Variants in RNF213 observed in about 807,000 individuals in gnomAD.
The protein encoded by RNF213 is ring finger protein 213.
RNF213 carries 341 observed loss-of-function variants against 514.4 expected under a neutral mutation model. The observed-to-expected ratio is 0.66, with a 90% confidence interval of 0.61 to 0.73. The LOEUF is 0.73. Ranked by LOEUF, RNF213 falls within the 30% of genes least tolerant of loss-of-function variation. The probability of loss-of-function intolerance (pLI) is 0.00; values close to 1 mark genes in which losing one functional copy is unlikely to be tolerated. For missense variants in RNF213, 5,767 were observed against 6,615.6 expected (o/e 0.87, Z 4.45); for synonymous variants, 2,655 against 2,658.2 (o/e 1.00, Z 0.04).
intron 32 of RNF213, 178 bp downstream of exon 32, chr17:80,351,981 A>C: frequency 4.1e-6 from 2 of 484,598 alleles, no homozygotes; most frequent in Non-Finnish European, 7.6e-6. Flanking sequence ...CAGCCTCCCA[A>C]GTAGCTGGCA....
chr17:80,319,371 C>G (rs375458667), intron 17 of RNF213, 59 bp downstream of exon 17: 26 of 1,614,118 alleles, frequency 1.6e-5, no homozygotes, highest in Non-Finnish European at 2.2e-5. Flanking sequence ...TCTGCCATGA[C>G]CCAGCTAAGG....
chr17:80,340,609 G>GTTT lies in RNF213; in HGVS notation c.5989+280_5989+282dup, dbSNP rs747785477. ...AAACATCTCTGCAGTGTACTTTGTGGTTTTTTTTTTTTTTTTTTTTTTTTT... is the reference window on the plus strand; with the variant it reads ...AAACATCTCTGCAGTGTACTTTGTGGTTTTTTTTTTTTTTTTTTTTTTTTTTTT... On this transcript the variant is annotated intron_variant, in intron 26 of 67. Transcript: ENST00000582970. The GTTT allele has an allele frequency of 9.8e-3, 1,272 of 129,802 alleles. 32 individuals carry two copies. Among genetic ancestry groups the GTTT allele is most frequent in the Admixed American group, 0.035 (261 of 7,540 alleles). The allele number at this position is 129,802 out of a possible 1,614,324, so 8.0% of individuals were successfully genotyped here. A position where few individuals can be genotyped will look rare whatever the true frequency, so the allele number is the denominator to read the frequency against.
rs181965032 is a variant in RNF213, at chr17:80,345,585, T to C, written c.7250T>C (p.Ile2417Thr). The change falls in exon 29 of 68, where the codon ATC (isoleucine) becomes ACC (threonine). Residue 2417 changes from isoleucine to threonine, a missense_variant. Physicochemically the swap from Ile to Thr is moderately conservative, Grantham distance 89. Coordinates refer to ENST00000582970, the MANE Select transcript of RNF213 (RefSeq NM_001256071.3). The surrounding 1 kb of genome is among the most constrained non-coding windows in gnomAD (Gnocchi z 6.0). ...EMRFRCGIPV[I>T]IMGETGCGKT... The stretch of plus-strand genomic sequence containing the variant: ...CGGTTCCGGTGTGGGATCCCGGTTA[T>C]CATCATGGGAGAAACTGGCTGTGGG... 2 of 1,613,806 alleles carry C rather than the reference T, an allele frequency of 1.2e-6. No individual in the cohort carries two copies. Among genetic ancestry groups the C allele is most frequent in the African/African-American group, 1.3e-5 (1 of 75,038 alleles).
Position 80,346,969 on chromosome 17 carries a change from G to T in RNF213, c.8634G>T (p.Lys2878Asn). Reference sequence around the variant, plus strand: ...AAGACGATCCCGCCCCCCACAAAAAGGTCGGCTTCGTGGGCATCTCCAACT... The same window carrying T: ...AAGACGATCCCGCCCCCCACAAAAATGTCGGCTTCGTGGGCATCTCCAACT... Reference protein sequence around the residue: ...CIEDDPAPHKKVGFVGISNWA... With the variant: ...CIEDDPAPHKNVGFVGISNWA... Residue 2878 changes from lysine to asparagine, a missense_variant, in exon 29 of 68, where the codon AAG (lysine) becomes AAT (asparagine). This residue lies in a region of RNF213 where 919 missense variants were observed against 1,121.0 expected (regional missense o/e 0.82). Transcript: ENST00000582970. The surrounding 1 kb of genome is among the most constrained non-coding windows in gnomAD (Gnocchi z 8.1). The T allele has an allele frequency of 6.2e-7, 1 of 1,613,802 alleles. No individual in the cohort carries two copies. The highest frequency in any genetic ancestry group is 8.5e-7 in the Non-Finnish European group (1 of 1,179,874).
chr17:80,357,064 GCC>G, intron 36 of RNF213, among the ~76,000 whole-genome samples: 1 of 151,906 alleles, frequency 6.6e-6, no homozygotes, highest in Non-Finnish European at 1.5e-5. Flanking sequence ...GATTACAGGT[GCC>G]TGCCACCACG....
Position 80,343,533 on chromosome 17 carries a change from A to G in RNF213, c.6183+208A>G, listed in dbSNP as rs1318803398. On this transcript the variant is annotated intron_variant, in intron 27 of 67. Transcript: ENST00000582970. The surrounding 1 kb of genome is among the most constrained non-coding windows in gnomAD (Gnocchi z 4.3). ...ATGGTGTGCGCTTACACTAACCTAGACGTAGAGCCCACTGCACACACAGGC... is the reference window on the plus strand; with the variant it reads ...ATGGTGTGCGCTTACACTAACCTAGGCGTAGAGCCCACTGCACACACAGGC... 6.6e-6 allele frequency among the ~76,000 whole-genome samples: 1 copy of G among 152,108 alleles called. No individual in the cohort carries two copies. Among genetic ancestry groups the G allele is most frequent in the Middle Eastern group, 3.2e-3 (1 of 316 alleles).
rs751900727 is a variant in RNF213 at position 80,346,803 on chromosome 17, G to A, written c.8468G>A (p.Arg2823Gln). The A allele has an allele frequency of 1.9e-6, 3 of 1,614,000 alleles. No homozygotes were observed. The highest frequency in any genetic ancestry group is 2.2e-5 in the East Asian group (1 of 44,884). The change falls in exon 29 of 68, where the codon CGG (arginine) becomes CAG (glutamine). Residue 2823 changes from arginine (R) to glutamine (Q), a missense_variant. This residue lies in a region of RNF213 where 105 missense variants were observed against 183.9 expected (regional missense o/e 0.57). Coordinates refer to ENST00000582970, the MANE Select transcript of RNF213 (RefSeq NM_001256071.3). The surrounding 1 kb of genome is among the most constrained non-coding windows in gnomAD (Gnocchi z 8.1). ...CCACAGGGCATCATCAGCACCTTCC[G>A]GCAGTGCGCCCGCTTTCAGCAGGGG... ...STPQGIISTF[R>Q]QCARFQQGKD... is the part of the protein sequence containing the mutation.
chr17:80,343,385 C>T lies in RNF213; in HGVS notation c.6183+60C>T. ...CAGTAAAGACGTGGTCCCCATGTCT[C>T]TGCGTGACTCCTCCCCGTGTATAGA... On this transcript the variant is annotated intron_variant, in intron 27 of 67. Coordinates refer to ENST00000582970, the MANE Select transcript of RNF213 (RefSeq NM_001256071.3). This position sits in a 1 kb window ranked among gnomAD's most constrained non-coding sequence, Gnocchi z 4.3. 3 of 1,371,202 alleles carry T rather than the reference C, an allele frequency of 2.2e-6. No individual in the cohort carries two copies. The highest frequency in any genetic ancestry group is 3.1e-6 in the Non-Finnish European group (3 of 974,334). 84.9% of individuals were successfully genotyped at this position (1,371,202 alleles called of 1,614,324 possible).
chr17:80,291,911 G>A, intron 8 of RNF213, 84 bp downstream of exon 8: 1 of 1,478,538 alleles, frequency 6.8e-7, no homozygotes, highest in Non-Finnish European at 9.3e-7. Context: ...TCTCTGGAGA[G>A]CACAGACTTT....
intron 41 of RNF213, 138 bp downstream of exon 41, chr17:80,363,928 G>A (rs942961394): frequency 1.2e-5 from 10 of 861,494 alleles, no homozygotes; most frequent in Non-Finnish European, 1.7e-5. Flanking sequence ...CGTTCACTCC[G>A]CATTTGCCGA....
chr17:80,336,506 A>G (rs2077991909), intron 23 of RNF213, 128 bp downstream of exon 23: 3 of 831,030 alleles, frequency 3.6e-6, no homozygotes, highest in Admixed American at 2.0e-5. Context: ...TTTCAATGAT[A>G]TTTAAAAAGC....
rs373638772 is a variant in RNF213 at position 80,278,037 on chromosome 17, A to G, written c.261+4633A>G. On this transcript the variant is annotated intron_variant, in intron 3 of 67. Coordinates refer to ENST00000582970, the MANE Select transcript of RNF213 (RefSeq NM_001256071.3). The stretch of plus-strand genomic sequence containing the variant: ...CTTTGGTGGCCGCTGGTTGCTGACT[A>G]ACAGGGTGTCCTTTGTGCATTCTTC... Among the ~76,000 whole-genome samples the G allele has an allele frequency of 2.5e-4, 38 of 152,214 alleles. No homozygotes were observed. The East Asian group carries it at 2.9e-3, about 12-fold the overall frequency.
chr17:80,370,413 T>C (rs62077763), intron 46 of RNF213, among the ~76,000 whole-genome samples: 9,639 of 152,228 alleles, frequency 0.063, 416 homozygotes, highest in Non-Finnish European at 0.1. Flanking sequence ...TAAAACTATT[T>C]TAAAAATTAG....
At chr17:80,349,691 G>C in intron 29 of RNF213, 79 bp from the exon 30 acceptor site, 2 of 1,477,962 alleles carry the variant, frequency 1.4e-6, no homozygotes, top group Non-Finnish European at 1.9e-6. Context: ...CAGGTTTCTA[G>C]GATCTGTCTA....
chr17:80,279,348 T>C (rs2044177227), intron 3 of RNF213, among the ~76,000 whole-genome samples: 1 of 152,146 alleles, frequency 6.6e-6, no homozygotes, highest in African/African-American at 2.4e-5. Flanking sequence ...AGCCTCTGCC[T>C]GAACACAAGG....
chr17:80,379,838 C>CA (rs2079914750), intron 55 of RNF213, 124 bp downstream of exon 55: 1 of 805,206 alleles, frequency 1.2e-6, no homozygotes, highest in African/African-American at 1.7e-5. Context: ...GGGCCTGTGT[C>CA]ATATTGAATA....
chr17:80,359,908 C>A (rs56102463), intron 37 of RNF213, among the ~76,000 whole-genome samples, 153 bp from the exon 38 acceptor site: 1 of 152,162 alleles, frequency 6.6e-6, no homozygotes, highest in African/African-American at 2.4e-5. Context: ...AACAGAAACC[C>A]TGTACTGTGA....
chr17:80,385,415 AGACATGCTTGT>A, intron 60 of RNF213, 112 bp from the exon 61 acceptor site: 1 of 951,210 alleles, frequency 1.1e-6, no homozygotes, highest in East Asian at 2.6e-5. Context: ...ACAGCACCTC[AGACATGCTTGT>A]GACTGCACAA....
intron 22 of RNF213, among the ~76,000 whole-genome samples, chr17:80,335,844 G>A (rs1316401686): frequency 1.3e-5 from 2 of 152,052 alleles, no homozygotes; most frequent in Admixed American, 6.5e-5. Flanking sequence ...AGGCGTGGTG[G>A]TGGGCGCCAG....
Sources: gnomAD v4.1 joint callset for allele counts (sites outside exome capture counted in the v4.1 genomes callset) on GRCh38, gnomAD v4.1.1 for gene constraint, gnomAD v4.1.1 regional missense constraint, Gnocchi (gnomAD v3.1) non-coding constraint, MANE v1.5 for transcripts, NCBI Gene and HGNC (gene_info 2026-07-23, HGNC 2026-07-21) for gene names.